ITGA9: variants seen among roughly 807,000 people sequenced by gnomAD.
The protein encoded by ITGA9 is integrin alpha-9.
Under a neutral mutation model 127.8 loss-of-function variants are expected in ITGA9, and 56 were observed. The ratio of observed to expected loss-of-function variants is 0.44; its 90% CI spans 0.35 to 0.55. ITGA9 has a LOEUF of 0.55. Among genes scored for constraint, ITGA9 ranks in the 20% least tolerant of loss-of-function variants. ITGA9 has a pLI of 0.00. For missense variants in ITGA9, 1,196 were observed against 1,347.1 expected (o/e 0.89, Z 1.76); for synonymous variants, 508 against 514.5 (o/e 0.99, Z 0.17).
At chr3:37,775,086 C>T (rs151073773) in intron 23 of ITGA9, among the ~76,000 whole-genome samples, 31 of 152,180 alleles carry the variant, frequency 2.0e-4, no homozygotes, top group Non-Finnish European at 2.8e-4. Flanking sequence ...AGTAAACAGA[C>T]AACCTACAGA....
At chr3:37,527,686 C>G (rs767289404) in intron 13 of ITGA9, among the ~76,000 whole-genome samples, 33 of 152,288 alleles carry the variant, frequency 2.2e-4, no homozygotes, top group Admixed American at 9.8e-4. Flanking sequence ...GTCATCTTTG[C>G]TCTCTTCATT....
At chr3:37,617,050 C>T (rs1212831714) in intron 15 of ITGA9, among the ~76,000 whole-genome samples, 2 of 152,358 alleles carry the variant, frequency 1.3e-5, no homozygotes, top group African/African-American at 4.8e-5. Flanking sequence ...GCAGTTTCTT[C>T]CTAGCCTTGA....
chr3:37,595,657 A>G (rs141325236), intron 15 of ITGA9, among the ~76,000 whole-genome samples: 113 of 152,318 alleles, frequency 7.4e-4, no homozygotes, highest in African/African-American at 2.5e-3. Context: ...CAACTTGTTA[A>G]GTCTGCTTCT....
intron 15 of ITGA9, among the ~76,000 whole-genome samples, chr3:37,552,579 C>T (rs1285314115): frequency 1.3e-5 from 2 of 152,106 alleles, no homozygotes; most frequent in African/African-American, 2.4e-5. Flanking sequence ...AGTGGGTAGG[C>T]GTAAAAAATT....
rs575823098 is a variant in ITGA9 at position 37,793,040 on chromosome 3, C to T, written c.2889+7962C>T. Among the ~76,000 whole-genome samples the T allele has an allele frequency of 3.3e-5, 5 of 152,132 alleles. No individual in the cohort carries two copies. In the South Asian group the frequency reaches 1.0e-3, roughly 32 times the overall value. ...GATGAACCACATGAAAAATGAGCCT[C>T]CTTCTCCCCAAATCCTCAAGTCCTG... On this transcript the variant is annotated intron_variant, in intron 26 of 27. Coordinates refer to ENST00000264741, the MANE Select transcript of ITGA9 (RefSeq NM_002207.3).
chr3:37,741,868 GGAACA>G, intron 21 of ITGA9, 49 bp downstream of exon 21: 1 of 1,407,640 alleles, frequency 7.1e-7, no homozygotes, highest in Non-Finnish European at 1.0e-6. Context: ...GCCCTCCAGT[GGAACA>G]CTGTGCTTCT....
At chr3:37,486,857 G>T (rs1003903819) in intron 4 of ITGA9, among the ~76,000 whole-genome samples, 1 of 152,158 alleles carries the variant, frequency 6.6e-6, no homozygotes, top group East Asian at 1.9e-4. Flanking sequence ...ACTTCCTATG[G>T]ATTCCAAAGA....
chr3:37,490,821 G>A (rs1266490169), intron 4 of ITGA9, among the ~76,000 whole-genome samples: 3 of 152,098 alleles, frequency 2.0e-5, no homozygotes, highest in Non-Finnish European at 4.4e-5. Flanking sequence ...GGAGCCATAC[G>A]ACTTAATGAA....
rs1700196163 is a variant in ITGA9 at position 37,628,264 on chromosome 3, A to G, written c.1690-923A>G. 2.0e-5 allele frequency among the ~76,000 whole-genome samples: 3 copies of G among 151,838 alleles called. No individual in the cohort carries two copies. The South Asian group carries it at 6.3e-4, about 32-fold the overall frequency. On this transcript the variant is annotated intron_variant, in intron 15 of 27. Coordinates refer to ENST00000264741, the MANE Select transcript of ITGA9 (RefSeq NM_002207.3). The stretch of plus-strand genomic sequence containing the variant: ...CTTGGAAGTCCTTGGAGCAGCCCAC[A>G]CGCACCCCCGCCGAGCTCACTGTCT...
intron 15 of ITGA9, among the ~76,000 whole-genome samples, chr3:37,616,323 T>C (rs1700074039): frequency 6.6e-6 from 1 of 152,372 alleles, no homozygotes; most frequent in East Asian, 1.9e-4. Context: ...CACTGTGGTC[T>C]GAGAGACAGC....
At chr3:37,704,030 A>G (rs921616336) in intron 18 of ITGA9, among the ~76,000 whole-genome samples, 8 of 152,086 alleles carry the variant, frequency 5.3e-5, no homozygotes, top group African/African-American at 1.7e-4. Flanking sequence ...AGTGTGCTCT[A>G]ATGCATCTTC....
At chr3:37,480,327 G>A (rs1293560354) in intron 3 of ITGA9, among the ~76,000 whole-genome samples, 1 of 152,176 alleles carries the variant, frequency 6.6e-6, no homozygotes, top group Non-Finnish European at 1.5e-5. Flanking sequence ...GGTGTCTTGC[G>A]TGGCTTCGAC....
intron 18 of ITGA9, among the ~76,000 whole-genome samples, chr3:37,712,428 C>A (rs985318572): frequency 6.6e-6 from 1 of 152,158 alleles, no homozygotes; most frequent in Admixed American, 6.5e-5. Context: ...TTTTCTAGGG[C>A]CTTGATTAAA....
chr3:37,516,400 T>C (rs1315886747), intron 9 of ITGA9, among the ~76,000 whole-genome samples: 1 of 152,150 alleles, frequency 6.6e-6, no homozygotes, highest in African/African-American at 2.4e-5. Context: ...TGGCTTGAAA[T>C]TGGTGGCCCA....
chr3:37,780,084 T>C, intron 25 of ITGA9, 63 bp downstream of exon 25: 1 of 1,600,188 alleles, frequency 6.2e-7, no homozygotes, highest in Non-Finnish European at 8.5e-7. Flanking sequence ...TGACATCTGA[T>C]TTTGGGTAAA....
intron 4 of ITGA9, among the ~76,000 whole-genome samples, chr3:37,493,065 C>T (rs763242078): frequency 6.6e-5 from 10 of 152,084 alleles, no homozygotes; most frequent in Non-Finnish European, 1.5e-4. Context: ...TTATAATAAC[C>T]GGACAAGGCG....
At chr3:37,511,983 C>A (rs1698911200) in intron 8 of ITGA9, among the ~76,000 whole-genome samples, 1 of 18,536 alleles carries the variant, frequency 5.4e-5, no homozygotes, top group Non-Finnish European at 1.9e-4. Flanking sequence ...CTTTTCTTTT[C>A]TTTTCTTTTC....
At chr3:37,477,924 T>C (rs977949973) in intron 3 of ITGA9, among the ~76,000 whole-genome samples, 20 of 151,122 alleles carry the variant, frequency 1.3e-4, no homozygotes, top group Admixed American at 1.3e-4. Flanking sequence ...TTTTTTTTTT[T>C]CAAAGCCACA....
At chr3:37,670,125 T>C (rs537043007) in intron 17 of ITGA9, among the ~76,000 whole-genome samples, 81 of 151,810 alleles carry the variant, frequency 5.3e-4, no homozygotes, top group African/African-American at 5.8e-4. Flanking sequence ...TTTTTTTTTT[T>C]CTGGTGCTAA....
Sources: allele counts gnomAD v4.1 joint callset (sites outside exome capture counted in the v4.1 genomes callset), GRCh38; gene constraint gnomAD v4.1.1; transcripts MANE v1.5; gene names NCBI Gene and HGNC (gene_info 2026-07-23, HGNC 2026-07-21).